The following SCAMP5 variants were observed in gnomAD, a reference collection of about 807,000 sequenced individuals.
SCAMP5 encodes secretory carrier membrane protein 5.
SCAMP5 carries 7 observed loss-of-function variants against 28.3 expected under a neutral mutation model. The ratio of observed to expected loss-of-function variants is 0.25; its 90% CI spans 0.14 to 0.46. SCAMP5 has a LOEUF of 0.46. SCAMP5 is among the 20% of genes least tolerant of loss of function. The pLI is 0.99. For synonymous variants in SCAMP5, 117 were observed against 116.4 expected, an observed-to-expected ratio of 1.00 and a Z score of -0.03; for missense variants, 192 against 312.5, an observed-to-expected ratio of 0.61 and a Z score of 2.91.
intron 1 of SCAMP5, among the ~76,000 whole-genome samples, chr15:75,001,269 CAAAA>C (rs34325708): frequency 5.2e-5 from 3 of 58,180 alleles, no homozygotes; most frequent in Non-Finnish European, 6.6e-5. Flanking sequence ...AGCGAGACTC[CAAAA>C]AAAAAAAAAA....
intron 1 of SCAMP5, among the ~76,000 whole-genome samples, chr15:74,997,490 G>C (rs185872249): frequency 6.6e-6 from 1 of 152,332 alleles, no homozygotes; most frequent in Non-Finnish European, 1.5e-5. Flanking sequence ...GGGAGAAGAC[G>C]TGAACACTTA....
At chr15:75,001,284 A>G (rs2065705642) in intron 1 of SCAMP5, among the ~76,000 whole-genome samples, 1 of 151,514 alleles carries the variant, frequency 6.6e-6, no homozygotes, top group Non-Finnish European at 1.5e-5. Flanking sequence ...AAAAAAAAAA[A>G]AAAAAAAGAT....
Position 75,011,837 on chromosome 15 carries a change from A to G in SCAMP5, c.-3A>G, listed in dbSNP as rs144203069. ...GCAGGCCACTGGGCCAGCTGGTAAC[A>G]TCATGGCAGGTAAGGAGAGGGGCAG... is the stretch of plus-strand genomic sequence containing the variant. On this transcript the variant is annotated 5_prime_UTR_variant, in exon 2 of 7. Transcript: ENST00000425597. 29 of 1,612,650 alleles carry G rather than the reference A, an allele frequency of 1.8e-5. No individual in the cohort carries two copies. In the African/African-American group the frequency reaches 3.6e-4, roughly 20 times the overall value.
intron 1 of SCAMP5, among the ~76,000 whole-genome samples, chr15:75,007,237 T>C (rs759628409): frequency 8.5e-5 from 13 of 152,178 alleles, no homozygotes; most frequent in Non-Finnish European, 1.2e-4. Flanking sequence ...GCGGTCTGAA[T>C]TGTATCTCCT....
intron 1 of SCAMP5, among the ~76,000 whole-genome samples, chr15:75,003,165 C>T (rs868495321): frequency 3.9e-5 from 6 of 152,220 alleles, no homozygotes; most frequent in Admixed American, 1.3e-4. Context: ...TCAAGTGATC[C>T]GTCCATCTCG....
At chr15:75,010,773 CT>C (rs2065804342) in intron 1 of SCAMP5, among the ~76,000 whole-genome samples, 1 of 150,758 alleles carries the variant, frequency 6.6e-6, no homozygotes, top group African/African-American at 2.5e-5. Context: ...GAGTGAGACC[CT>C]GTCTAAGAAA....
intron 1 of SCAMP5, among the ~76,000 whole-genome samples, chr15:75,006,147 G>A (rs1057380717): frequency 4.6e-5 from 7 of 150,674 alleles, no homozygotes; most frequent in South Asian, 2.1e-4. Flanking sequence ...ACAGGCGCCC[G>A]CCACCACACC....
intron 1 of SCAMP5, among the ~76,000 whole-genome samples, chr15:75,005,917 G>A (rs2065753268): frequency 6.7e-6 from 1 of 150,070 alleles, no homozygotes; most frequent in Non-Finnish European, 1.5e-5. Context: ...GTGGAGACAA[G>A]GTTTCACCAT....
At position 75,018,318 on chromosome 15, in the gene SCAMP5, T is replaced by C; in HGVS notation, c.396-100T>C. The C allele has an allele frequency of 1.0e-5, 8 of 796,710 alleles. No homozygotes were observed. Among genetic ancestry groups the C allele is most frequent in the Non-Finnish European group, 1.8e-5 (8 of 439,650 alleles). The allele number at this position is 796,710 out of a possible 1,614,324, so 49.4% of individuals were successfully genotyped here. Reference sequence around the variant, plus strand: ...GATGGTCCCTCTGCATCCAGTGATATGTTTCCTCCCTGTGGCAATGAGACG... The same window carrying C: ...GATGGTCCCTCTGCATCCAGTGATACGTTTCCTCCCTGTGGCAATGAGACG... On this transcript the variant is annotated intron_variant, in intron 5 of 6. Coordinates refer to ENST00000425597, the MANE Select transcript of SCAMP5 (RefSeq NM_138967.4). The surrounding 1 kb of genome is among the most constrained non-coding windows in gnomAD (Gnocchi z 5.6).
chr15:75,013,543 T>TA (rs1201284079), intron 3 of SCAMP5, among the ~76,000 whole-genome samples: 1 of 151,590 alleles, frequency 6.6e-6, no homozygotes, highest in African/African-American at 2.4e-5. Context: ...CTACAGAAAA[T>TA]AAAAAAATTA....
intron 1 of SCAMP5, among the ~76,000 whole-genome samples, chr15:75,008,090 T>G (rs1245455679): frequency 1.3e-5 from 1 of 77,118 alleles, no homozygotes; most frequent in Non-Finnish European, 4.7e-5. Context: ...ACTTGGGCTC[T>G]TTTTTTTTTC....
intron 3 of SCAMP5, among the ~76,000 whole-genome samples, chr15:75,015,460 G>A (rs1291144806): frequency 6.6e-6 from 1 of 151,932 alleles, no homozygotes; most frequent in Non-Finnish European, 1.5e-5. Context: ...AGAGGGGGGG[G>A]GGCCTGGGTC....
intron 1 of SCAMP5, among the ~76,000 whole-genome samples, chr15:75,006,665 C>CTGTA (rs2065762967): frequency 6.6e-6 from 1 of 152,034 alleles, no homozygotes; most frequent in Admixed American, 6.6e-5. Context: ...TGGCGGGCAC[C>CTGTA]TGTAGTCCCA....
At position 75,015,925 on chromosome 15, in the gene SCAMP5, CA is replaced by C. The variant is rs71308031; in HGVS notation, c.137-647del. Reference sequence around the variant, plus strand: ...TGGGCGACAGAGTGAAATTCCATCTCAAAAAAAAAAAAAAAAAAAAAGAAAT... The same window carrying C: ...TGGGCGACAGAGTGAAATTCCATCTCAAAAAAAAAAAAAAAAAAAAGAAAT... On this transcript the variant is annotated intron_variant, in intron 3 of 6. Transcript: ENST00000425597. 1.7e-3 allele frequency among the ~76,000 whole-genome samples: 105 copies of C among 63,044 alleles called. 1 individual carries two copies. Among genetic ancestry groups the C allele is most frequent in the Middle Eastern group, 6.8e-3 (1 of 146 alleles). The allele number at this position is 63,044 out of a possible 152,430, so 41.4% of individuals were successfully genotyped here.
At chr15:75,005,576 A>C (rs948457179) in intron 1 of SCAMP5, among the ~76,000 whole-genome samples, 5 of 152,166 alleles carry the variant, frequency 3.3e-5, no homozygotes, top group African/African-American at 1.2e-4. Flanking sequence ...CATGACATTA[A>C]CATTTGTCTC....
In SCAMP5 at chr15:75,019,230, G is replaced by T; in HGVS notation, c.*247G>T. ...AGCTGTCCCGTGCGGTAGTAGCTGT[G>T]TCTGTGTCCCCTCGTGAAATAGTGT... On this transcript the variant is annotated 3_prime_UTR_variant, in exon 7 of 7. Coordinates refer to ENST00000425597, the MANE Select transcript of SCAMP5 (RefSeq NM_138967.4). 3.3e-6 allele frequency: 1 copy of T among 305,808 alleles called. No homozygotes were observed. The highest frequency in any genetic ancestry group is 5.9e-6 in the Non-Finnish European group (1 of 170,754). The allele number at this position is 305,808 out of a possible 1,614,324, so 18.9% of individuals were successfully genotyped here. A position where few individuals can be genotyped will look rare whatever the true frequency, so the allele number is the denominator to read the frequency against.
intron 2 of SCAMP5, 22 bp downstream of exon 2, chr15:75,011,868 G>A (rs747649367): frequency 1.2e-6 from 2 of 1,609,496 alleles, no homozygotes; most frequent in Non-Finnish European, 1.7e-6. Context: ...GGCAGGCTGT[G>A]TGGGTAGGAC....
At chr15:74,997,827 G>C (rs1595878022) in intron 1 of SCAMP5, among the ~76,000 whole-genome samples, 1 of 152,342 alleles carries the variant, frequency 6.6e-6, no homozygotes, top group East Asian at 1.9e-4. Context: ...AGCATGGCCA[G>C]GAGACTGCTG....
intron 1 of SCAMP5, among the ~76,000 whole-genome samples, chr15:75,009,438 AG>A (rs2065790269): frequency 2.8e-5 from 2 of 71,574 alleles, no homozygotes; most frequent in Non-Finnish European, 6.4e-5. Flanking sequence ...GAATGCTAGA[AG>A]TTTGTGTGTG....
Sources: gnomAD v4.1 joint callset for allele counts (sites outside exome capture counted in the v4.1 genomes callset) on GRCh38, gnomAD v4.1.1 for gene constraint, Gnocchi (gnomAD v3.1) non-coding constraint, MANE v1.5 for transcripts, NCBI Gene and HGNC (gene_info 2026-07-23, HGNC 2026-07-21) for gene names.